KBTBD8: variants seen among roughly 807,000 people sequenced by gnomAD.
KBTBD8 encodes kelch repeat and BTB domain-containing protein 8.
KBTBD8 carries 31 observed loss-of-function variants against 53.5 expected under a neutral mutation model. The ratio of observed to expected loss-of-function variants is 0.58; its 90% CI spans 0.44 to 0.78. The LOEUF (loss-of-function observed/expected upper bound fraction) is 0.78, where lower values mean the gene tolerates loss of function less well. Ranked by LOEUF, KBTBD8 falls within the 30% of genes least tolerant of loss-of-function variation. The pLI, the probability that KBTBD8 is intolerant of heterozygous loss-of-function variation, is 0.00. For synonymous variants in KBTBD8, 250 were observed against 247.3 expected, an observed-to-expected ratio of 1.01 and a Z score of -0.10; for missense variants, 642 against 735.8, an observed-to-expected ratio of 0.87 and a Z score of 1.48.
intron 3 of KBTBD8, among the ~76,000 whole-genome samples, chr3:67,006,294 G>A (rs1261180439): frequency 6.6e-6 from 1 of 152,096 alleles, no homozygotes; most frequent in Non-Finnish European, 1.5e-5. Flanking sequence ...AAATACTAAA[G>A]CAAACTAGCA....
intron 3 of KBTBD8, among the ~76,000 whole-genome samples, chr3:67,005,759 T>C (rs1477800119): frequency 6.6e-6 from 1 of 150,902 alleles, no homozygotes; most frequent in Non-Finnish European, 1.5e-5. Context: ...GACTTCAACC[T>C]CCGCCTCCTG....
chr3:67,007,831 C>A, intron 3 of KBTBD8, 91 bp from the exon 4 acceptor site: 1 of 646,168 alleles, frequency 1.5e-6, no homozygotes, highest in East Asian at 2.8e-5. Flanking sequence ...CAAATTATGC[C>A]CTTTAATCTT....
rs1232767943 is a variant in KBTBD8, at chr3:67,004,070, A to G, written c.1103A>G (p.Asn368Ser). Reference sequence around the variant, plus strand: ...TTCTGGATGTATGATCATTCCACCAATAGATGGCTATCCAAACCATCCTTG... The same window carrying G: ...TTCTGGATGTATGATCATTCCACCAGTAGATGGCTATCCAAACCATCCTTG... ...NDFWMYDHST[N>S]RWLSKPSLLR... The change falls in exon 3 of 4, where the codon AAT (asparagine) becomes AGT (serine). Residue 368 changes from asparagine to serine, a missense_variant. By Grantham distance (46) the Asn-to-Ser change is conservative (BLOSUM62 1). Coordinates refer to ENST00000417314, the MANE Select transcript of KBTBD8 (RefSeq NM_032505.3). 6.2e-6 allele frequency: 10 copies of G among 1,614,212 alleles called. No individual in the cohort carries two copies. Among genetic ancestry groups the G allele is most frequent in the Non-Finnish European group, 6.8e-6 (8 of 1,180,040 alleles).
intron 3 of KBTBD8, among the ~76,000 whole-genome samples, chr3:67,004,722 G>A (rs1702049306): frequency 6.6e-6 from 1 of 152,204 alleles, no homozygotes; most frequent in African/African-American, 2.4e-5. Flanking sequence ...GGTATTCTGT[G>A]GAATTTACTG....
At position 67,007,960 on chromosome 3, in the gene KBTBD8, T is replaced by A; in HGVS notation, c.1381T>A (p.Trp461Arg). 1.2e-6 allele frequency: 2 copies of A among 1,602,496 alleles called. No individual in the cohort carries two copies. The highest frequency in any genetic ancestry group is 1.7e-6 in the Non-Finnish European group (2 of 1,175,470). ...FLFYEPQKDYWGFLTPMTVPR... is the reference protein window; with the variant it reads ...FLFYEPQKDYRGFLTPMTVPR... ...CTTCTATGAGCCTCAAAAAGACTAC[T>A]GGGGTTTCTTAACCCCCATGACTGT... Residue 461 changes from tryptophan (W) to arginine (R), a missense_variant, in exon 4 of 4, where the codon TGG (tryptophan) becomes AGG (arginine). Transcript: ENST00000417314.
intron 2 of KBTBD8, 43 bp from the exon 3 acceptor site, chr3:67,003,152 A>G (rs1702031726): frequency 1.3e-6 from 2 of 1,556,056 alleles, no homozygotes; most frequent in Non-Finnish European, 1.7e-6. Context: ...AATAATTTTG[A>G]TTTATAGCAC....
Position 67,004,089 on chromosome 3 carries a change from A to G in KBTBD8, c.1122A>G (p.Pro374=). The change falls in exon 3 of 4, where the codon CCA becomes CCG. Residue 374 remains proline, a synonymous_variant. Coordinates refer to ENST00000417314, the MANE Select transcript of KBTBD8 (RefSeq NM_032505.3). ...CCACCAATAGATGGCTATCCAAACC[A>G]TCCTTGCTTCGAGCCAGAATAGGCT... ...DHSTNRWLSK[P]SLLRARIGCK... is the part of the protein sequence containing the mutation. 2 of 1,614,176 alleles carry G rather than the reference A, an allele frequency of 1.2e-6. No homozygotes were observed.
Position 67,008,947 on chromosome 3 carries a change from CAGAA to C in KBTBD8, c.*566_*569del, listed in dbSNP as rs1702094157. 1.3e-5 allele frequency: 2 copies of C among 152,582 alleles called. No individual in the cohort carries two copies. Among genetic ancestry groups the C allele is most frequent in the South Asian group, 2.1e-4 (1 of 4,834 alleles). 9.5% of individuals were successfully genotyped at this position (152,582 alleles called of 1,614,324 possible). ...AGTAGATCGAAGAAAAAATTAGTCTCAGAAAGAGCTTTTAGTCTGATTGTTTCCA... is the reference window on the plus strand; with the variant it reads ...AGTAGATCGAAGAAAAAATTAGTCTCAGAGCTTTTAGTCTGATTGTTTCCA... On this transcript the variant is annotated 3_prime_UTR_variant, in exon 4 of 4. Coordinates refer to ENST00000417314, the MANE Select transcript of KBTBD8 (RefSeq NM_032505.3).
At chr3:67,004,361 T>G (rs778698751) in intron 3 of KBTBD8, 52 bp downstream of exon 3, 7 of 1,533,244 alleles carry the variant, frequency 4.6e-6, no homozygotes, top group Admixed American at 3.5e-5. Context: ...CATCAAGTGG[T>G]GGTTTACTTA....
chr3:67,001,498 C>G (rs760885044), intron 2 of KBTBD8, among the ~76,000 whole-genome samples: 1 of 152,148 alleles, frequency 6.6e-6, no homozygotes, highest in Non-Finnish European at 1.5e-5. Flanking sequence ...TGAGACCACT[C>G]CTGTGTGTAA....
rs1324665890 is a variant in KBTBD8, at chr3:67,008,407, A to C, written c.*22A>C. 7 of 1,456,684 alleles carry C rather than the reference A, an allele frequency of 4.8e-6. No individual in the cohort carries two copies. The allele number at this position is 1,456,684 out of a possible 1,614,324, so 90.2% of individuals were successfully genotyped here. On this transcript the variant is annotated 3_prime_UTR_variant, in exon 4 of 4. Coordinates refer to ENST00000417314, the MANE Select transcript of KBTBD8 (RefSeq NM_032505.3). ...CTAAATGAGTAGCAGGCCTTAGTGC[A>C]TCACTGGCATCTCATTCTTAGGAAA...
intron 1 of KBTBD8, among the ~76,000 whole-genome samples, 177 bp downstream of exon 1, chr3:66,998,548 C>T (rs545632224): frequency 1.3e-5 from 2 of 152,066 alleles, no homozygotes; most frequent in Admixed American, 6.5e-5. Context: ...GGCGGTCCGG[C>T]GGGACCGGGA....
chr3:67,003,144 T>G, intron 2 of KBTBD8, 51 bp from the exon 3 acceptor site: 1 of 1,534,954 alleles, frequency 6.5e-7, no homozygotes, highest in East Asian at 2.3e-5. Flanking sequence ...CTTGCCACAA[T>G]AATTTTGATT....
At chr3:67,007,574 C>T (rs1329085112) in intron 3 of KBTBD8, among the ~76,000 whole-genome samples, 1 of 152,138 alleles carries the variant, frequency 6.6e-6, no homozygotes, top group African/African-American at 2.4e-5. Context: ...CCGTCTCAGC[C>T]TCCCAAAGTG....
intron 3 of KBTBD8, 145 bp downstream of exon 3, chr3:67,004,454 A>G: frequency 1.5e-6 from 1 of 681,856 alleles, no homozygotes; most frequent in Non-Finnish European, 2.4e-6. Context: ...TCTGTTCTGT[A>G]AAGAGCTATA....
chr3:67,008,907 G>A lies in KBTBD8; in HGVS notation c.*522G>A, dbSNP rs1036877962. 6.5e-5 allele frequency: 10 copies of A among 153,172 alleles called. No homozygotes were observed. The highest frequency in any genetic ancestry group is 2.4e-4 in the African/African-American group (10 of 41,432). 9.5% of individuals were successfully genotyped at this position (153,172 alleles called of 1,614,324 possible). ...TTTTCAAGTGTACTGAGATTTAAAT[G>A]TGTTCTATTATTAGAGTAGATCGAA... On this transcript the variant is annotated 3_prime_UTR_variant, in exon 4 of 4. Coordinates refer to ENST00000417314, the MANE Select transcript of KBTBD8 (RefSeq NM_032505.3).
intron 2 of KBTBD8, among the ~76,000 whole-genome samples, chr3:67,001,988 TA>T (rs1702022143): frequency 6.6e-6 from 1 of 152,128 alleles, no homozygotes; most frequent in African/African-American, 2.4e-5. Context: ...GACTAATACT[TA>T]AAGAGCCAGG....
rs368794745 is a variant in KBTBD8 at position 67,003,579 on chromosome 3, T to C, written c.612T>C (p.Asp204=). The change falls in exon 3 of 4, where the codon GAT becomes GAC. Residue 204 remains aspartate, a synonymous_variant. Coordinates refer to ENST00000417314, the MANE Select transcript of KBTBD8 (RefSeq NM_032505.3). ...TGATAAGTATACTAGACAGTGACGA[T>C]TTAAATGTAGACCGAGAAGAGCATG... is the stretch of plus-strand genomic sequence containing the variant. ...DQLISILDSD[D]LNVDREEHVY... The C allele has an allele frequency of 5.2e-5, 84 of 1,613,790 alleles. 1 individual carries two copies. Among genetic ancestry groups the C allele is most frequent in the Admixed American group, 1.5e-4 (9 of 59,992 alleles).
rs780173298 is a variant in KBTBD8 at position 67,003,745 on chromosome 3, G to A, written c.778G>A (p.Ala260Thr). The change falls in exon 3 of 4, where the codon GCT becomes ACT. Residue 260 changes from alanine (A) to threonine (T), a missense_variant. Transcript: ENST00000417314. ...GAAAATTCCACCTCAGTTTGCACAG[G>A]CTATAGCCAAAAGCTGTGTAGAAAA... ...IEKIPPQFAQ[A>T]IAKSCVEKGP... is the part of the protein sequence containing the mutation. 5.0e-6 allele frequency: 8 copies of A among 1,613,956 alleles called. No individual in the cohort carries two copies. Among genetic ancestry groups the A allele is most frequent in the Non-Finnish European group, 6.8e-6 (8 of 1,179,988 alleles).
Sources: gnomAD v4.1 joint callset for allele counts (sites outside exome capture counted in the v4.1 genomes callset) on GRCh38, gnomAD v4.1.1 for gene constraint, MANE v1.5 for transcripts, NCBI Gene and HGNC (gene_info 2026-07-23, HGNC 2026-07-21) for gene names.